Variants in GLRA3 observed in about 807,000 individuals in gnomAD.
GLRA3 encodes glycine receptor subunit alpha-3.
A neutral mutation model predicts 60.4 loss-of-function variants in GLRA3; 44 were observed. The ratio of observed to expected loss-of-function variants is 0.73; its 90% confidence interval spans 0.57 to 0.94. GLRA3 has a LOEUF of 0.94. Among genes scored for constraint, GLRA3 ranks in the 40% least tolerant of loss-of-function variants. The pLI is 0.00. For missense variants in GLRA3, 508 were observed against 564.6 expected, an observed-to-expected ratio of 0.90 and a Z score of 1.02; for synonymous variants, 223 against 192.9, an observed-to-expected ratio of 1.16 and a Z score of -1.29.
intron 3 of GLRA3, among the ~76,000 whole-genome samples, chr4:174,740,127 A>G (rs1236338976): frequency 1.3e-5 from 2 of 152,206 alleles, no homozygotes; most frequent in Non-Finnish European, 2.9e-5. Context: ...TAGTTGACAC[A>G]ATTCCAGACT....
At chr4:174,698,969 T>G (rs750130454) in intron 5 of GLRA3, among the ~76,000 whole-genome samples, 19 of 152,062 alleles carry the variant, frequency 1.2e-4, no homozygotes, top group Non-Finnish European at 2.1e-4. Context: ...AGCCACATTG[T>G]TCCTCTCAGG....
chr4:174,755,326 C>A lies in GLRA3; in HGVS notation c.267+11637G>T, dbSNP rs1737651377. On this transcript the variant is annotated intron_variant, in intron 3 of 9. Coordinates refer to ENST00000274093, the MANE Select transcript of GLRA3 (RefSeq NM_006529.4). ...ATGAGCAAATCACAGAGAACTGCTG[C>A]CCTATGGACACTGCATTACAAAATT... Among the ~76,000 whole-genome samples the A allele has an allele frequency of 4.6e-5, 7 of 151,866 alleles. 1 individual carries two copies. The highest frequency in any genetic ancestry group is 4.6e-4 in the Admixed American group (7 of 15,248).
At chr4:174,675,395 C>T (rs1734077947) in intron 7 of GLRA3, among the ~76,000 whole-genome samples, 1 of 152,052 alleles carries the variant, frequency 6.6e-6, no homozygotes, top group East Asian at 1.9e-4. Context: ...TTTCTGCATC[C>T]TCTACTCACA....
intron 2 of GLRA3, among the ~76,000 whole-genome samples, chr4:174,770,681 A>T (rs1164122775): frequency 1.3e-5 from 2 of 152,110 alleles, no homozygotes; most frequent in African/African-American, 4.8e-5. Flanking sequence ...ATGTAATAAT[A>T]AGAACCTTAT....
At chr4:174,689,756 TAAAAAAAA>T (rs553306775) in intron 5 of GLRA3, among the ~76,000 whole-genome samples, 840 of 39,510 alleles carry the variant, frequency 0.021, 7 homozygotes, top group Middle Eastern at 0.056. Context: ...TAAGTCGCAT[TAAAAAAAA>T]AAAAAAAAAA....
chr4:174,824,151 G>A (rs781393816), intron 1 of GLRA3, among the ~76,000 whole-genome samples: 3 of 152,052 alleles, frequency 2.0e-5, no homozygotes, highest in Non-Finnish European at 2.9e-5. Context: ...AAAATACCCC[G>A]AACCAAATTC....
chr4:174,732,465 GC>G (rs1263678115), intron 3 of GLRA3, among the ~76,000 whole-genome samples: 2 of 151,642 alleles, frequency 1.3e-5, no homozygotes, highest in African/African-American at 4.8e-5. Flanking sequence ...AAATCCTTAT[GC>G]TTGTGCAACA....
At chr4:174,708,935 C>G (rs757651264) in intron 5 of GLRA3, among the ~76,000 whole-genome samples, 33 of 151,484 alleles carry the variant, frequency 2.2e-4, no homozygotes, top group Non-Finnish European at 3.5e-4. Flanking sequence ...CATCAACTTC[C>G]ATCAAGCATT....
At chr4:174,698,520 A>C (rs1735156644) in intron 5 of GLRA3, among the ~76,000 whole-genome samples, 1 of 152,154 alleles carries the variant, frequency 6.6e-6, no homozygotes, top group Non-Finnish European at 1.5e-5. Context: ...CTGATTTTTC[A>C]GTACCACTAT....
At chr4:174,730,302 G>A (rs1441885922) in intron 3 of GLRA3, among the ~76,000 whole-genome samples, 1 of 152,070 alleles carries the variant, frequency 6.6e-6, no homozygotes, top group East Asian at 1.9e-4. Flanking sequence ...TGTTTCCTTC[G>A]CCATTCTCCA....
chr4:174,679,732 A>G (rs1172977176), intron 6 of GLRA3, among the ~76,000 whole-genome samples: 1 of 152,234 alleles, frequency 6.6e-6, no homozygotes, highest in Non-Finnish European at 1.5e-5. Context: ...TTGTAGCAAC[A>G]TGGATAGAAC....
At chr4:174,677,549 G>A (rs1261425387) in intron 6 of GLRA3, among the ~76,000 whole-genome samples, 1 of 148,608 alleles carries the variant, frequency 6.7e-6, no homozygotes, top group African/African-American at 2.5e-5. Context: ...TTGTAGAGAT[G>A]TGGTTTCACC....
chr4:174,667,565 A>C lies in GLRA3; in HGVS notation c.928-8368T>G, dbSNP rs115739709. ...GTCAGGTCCAAATTCAGTAATATGA[A>C]TTGTAAGGAGGTACAAAAAAGTAGA... is the stretch of plus-strand genomic sequence containing the variant. On this transcript the variant is annotated intron_variant, in intron 7 of 9. Coordinates refer to ENST00000274093, the MANE Select transcript of GLRA3 (RefSeq NM_006529.4). Among the ~76,000 whole-genome samples the C allele has an allele frequency of 8.9e-3, 1,348 of 152,256 alleles. 17 individuals carry two copies. The highest frequency in any genetic ancestry group is 0.03 in the African/African-American group (1,241 of 41,556).
intron 3 of GLRA3, among the ~76,000 whole-genome samples, chr4:174,745,593 T>C (rs976311085): frequency 6.6e-6 from 1 of 152,080 alleles, no homozygotes; most frequent in Non-Finnish European, 1.5e-5. Context: ...ATTTTATGGC[T>C]AAAACCTCAA....
At chr4:174,762,170 T>C (rs78589686) in intron 3 of GLRA3, among the ~76,000 whole-genome samples, 1 of 152,112 alleles carries the variant, frequency 6.6e-6, no homozygotes. Context: ...TGGGTGGTTG[T>C]TTTCTCTCTT....
intron 2 of GLRA3, among the ~76,000 whole-genome samples, chr4:174,778,626 G>C (rs1199733522): frequency 6.6e-6 from 1 of 152,220 alleles, no homozygotes; most frequent in Non-Finnish European, 1.5e-5. Context: ...CACGCACCGT[G>C]CGCGAGCCGA....
chr4:174,751,930 A>C (rs1029744763), intron 3 of GLRA3, among the ~76,000 whole-genome samples: 1 of 152,028 alleles, frequency 6.6e-6, no homozygotes, highest in African/African-American at 2.4e-5. Flanking sequence ...GATGTCTAAA[A>C]AGTGTCTTTA....
rs549782059 is a variant in GLRA3 at position 174,807,349 on chromosome 4, G to A, written c.72-18406C>T. The stretch of plus-strand genomic sequence containing the variant: ...TCTTTCCCTTGCAGTGTTCATTAAA[G>A]GACTACTAAATGACTAAACACAGAT... On this transcript the variant is annotated intron_variant, in intron 1 of 9. Coordinates refer to ENST00000274093, the MANE Select transcript of GLRA3 (RefSeq NM_006529.4). Among the ~76,000 whole-genome samples, 8 of 152,026 alleles carry A rather than the reference G, an allele frequency of 5.3e-5. No homozygotes were observed. In the South Asian group the frequency reaches 1.7e-3, roughly 32 times the overall value.
intron 8 of GLRA3, 71 bp from the exon 9 acceptor site, chr4:174,656,858 A>T: frequency 1.2e-6 from 1 of 852,472 alleles, no homozygotes; most frequent in Non-Finnish European, 2.0e-6. Context: ...ATTAAATATA[A>T]TTACACAATT....
Sources: allele counts gnomAD v4.1 joint callset (sites outside exome capture counted in the v4.1 genomes callset), GRCh38; gene constraint gnomAD v4.1.1; transcripts MANE v1.5; gene names NCBI Gene and HGNC (gene_info 2026-07-23, HGNC 2026-07-21).